CNGB3: variants seen among roughly 807,000 people sequenced by gnomAD.
CNGB3 encodes the protein cyclic nucleotide-gated channel beta-3.
CNGB3 carries 86 observed loss-of-function variants against 92.8 expected under a neutral mutation model. The observed-to-expected ratio is 0.93, with a 90% CI of 0.78 to 1.11. The LOEUF (loss-of-function observed/expected upper bound fraction) is 1.11. Ranked by LOEUF, CNGB3 falls within the 50% of genes least tolerant of loss-of-function variation. The pLI, the probability that CNGB3 is intolerant of heterozygous loss-of-function variation, is 0.00. For missense variants in CNGB3, 1,026 were observed against 956.8 expected, an observed-to-expected ratio of 1.07 and a Z score of -0.95; for synonymous variants, 333 against 332.7, an observed-to-expected ratio of 1.00 and a Z score of -0.01.
chr8:86,660,241 A>C lies in CNGB3; in HGVS notation c.853-6179T>G, dbSNP rs557938001. On this transcript the variant is annotated intron_variant, in intron 6 of 17. Transcript: ENST00000320005. ...TTGTTTGTATGCTGATATTCTCTCA[A>C]TGTTTTCTTGGCCACAGCCAATTTG... 2.2e-4 allele frequency: 68 copies of C among 306,736 alleles called. 1 individual carries two copies. Among genetic ancestry groups the C allele is most frequent in the Middle Eastern group, 2.4e-3 (2 of 824 alleles). 19.0% of individuals were successfully genotyped at this position (306,736 alleles called of 1,614,324 possible).
chr8:86,584,466 A>G (rs1322982414), intron 15 of CNGB3, among the ~76,000 whole-genome samples: 1 of 152,232 alleles, frequency 6.6e-6, no homozygotes. Flanking sequence ...AAACTTGCCT[A>G]CAGGTTACAC....
chr8:86,612,141 G>C (rs1232874860), intron 13 of CNGB3, among the ~76,000 whole-genome samples: 4 of 151,816 alleles, frequency 2.6e-5, no homozygotes, highest in Non-Finnish European at 1.5e-5. Flanking sequence ...AACCTTGCAG[G>C]CTGGTCTATC....
intron 15 of CNGB3, chr8:86,593,872 C>A: frequency 1.4e-6 from 1 of 706,262 alleles, no homozygotes; most frequent in South Asian, 1.5e-5. Flanking sequence ...GCAGCATAGC[C>A]AGGTCCTGCT....
chr8:86,582,099 G>A (rs952470205), intron 15 of CNGB3, among the ~76,000 whole-genome samples: 2 of 90,956 alleles, frequency 2.2e-5, no homozygotes, highest in African/African-American at 6.4e-5. Flanking sequence ...CACAGATATT[G>A]GAGTTATTAG....
intron 1 of CNGB3, among the ~76,000 whole-genome samples, chr8:86,743,061 G>T (rs1825369397): frequency 6.6e-6 from 1 of 152,054 alleles, no homozygotes; most frequent in Non-Finnish European, 1.5e-5. Flanking sequence ...CCCCAGATTT[G>T]CCAAATGTCC....
chr8:86,652,266 G>T (rs983115205), intron 7 of CNGB3, among the ~76,000 whole-genome samples: 1 of 151,992 alleles, frequency 6.6e-6, no homozygotes, highest in Non-Finnish European at 1.5e-5. Context: ...AATGGAGCTT[G>T]CAGGACTGGA....
At chr8:86,603,145 T>C (rs1822342111) in intron 15 of CNGB3, among the ~76,000 whole-genome samples, 1 of 152,362 alleles carries the variant, frequency 6.6e-6, no homozygotes, top group Non-Finnish European at 1.5e-5. Context: ...TTGTGTCCTG[T>C]TACTTTCTAA....
chr8:86,717,933 C>G (rs1824893242), intron 3 of CNGB3, among the ~76,000 whole-genome samples: 1 of 151,956 alleles, frequency 6.6e-6, no homozygotes, highest in Non-Finnish European at 1.5e-5. Flanking sequence ...ACAACGAAAT[C>G]AAGATGAAAA....
At position 86,666,937 on chromosome 8, in the gene CNGB3, T is replaced by TC. The variant is rs1281085210; in HGVS notation, c.839dup (p.Gly281ArgfsTer9). 2 of 1,612,366 alleles carry TC rather than the reference T, an allele frequency of 1.2e-6. No individual in the cohort carries two copies. Among genetic ancestry groups the TC allele is most frequent in the Admixed American group, 3.3e-5 (2 of 60,018 alleles). Reference sequence around the variant, plus strand: ...GAACCCCACTTACTATTATGTCTCCTCCTCTTACAAACTGGAGTCTGGGCT... The same window carrying TC: ...GAACCCCACTTACTATTATGTCTCCTCCCTCTTACAAACTGGAGTCTGGGCT... On this transcript the variant is annotated frameshift_variant, in exon 6 of 18. Transcript: ENST00000320005. LOFTEE classifies it high-confidence loss of function.
intron 3 of CNGB3, among the ~76,000 whole-genome samples, chr8:86,694,467 G>T (rs1263501114): frequency 6.6e-6 from 1 of 151,698 alleles, no homozygotes; most frequent in Non-Finnish European, 1.5e-5. Context: ...CCCAGACGGG[G>T]TGGCTGCCGG....
chr8:86,707,403 G>T (rs1300000736), intron 3 of CNGB3: 2 of 152,234 alleles, frequency 1.3e-5, no homozygotes, highest in Non-Finnish European at 2.9e-5. Flanking sequence ...CTACAGAGTG[G>T]TCAGAAAAGG....
At chr8:86,734,708 G>A (rs1360025966) in intron 2 of CNGB3, among the ~76,000 whole-genome samples, 1 of 152,152 alleles carries the variant, frequency 6.6e-6, no homozygotes, top group Admixed American at 6.5e-5. Flanking sequence ...GTCTTGACAA[G>A]GTGTAACACC....
chr8:86,606,547 C>T (rs899296472), intron 14 of CNGB3, among the ~76,000 whole-genome samples: 1 of 152,256 alleles, frequency 6.6e-6, no homozygotes, highest in East Asian at 1.9e-4. Flanking sequence ...ACTATTAATG[C>T]TAATAACAAT....
At chr8:86,607,728 A>G (rs916152032) in intron 14 of CNGB3, among the ~76,000 whole-genome samples, 1 of 152,202 alleles carries the variant, frequency 6.6e-6, no homozygotes, top group Admixed American at 6.5e-5. Context: ...CCACTCTTTC[A>G]ACCAGCCCAA....
intron 7 of CNGB3, among the ~76,000 whole-genome samples, chr8:86,652,731 G>A (rs1823430673): frequency 6.6e-6 from 1 of 151,994 alleles, no homozygotes; most frequent in Non-Finnish European, 1.5e-5. Flanking sequence ...CATAACATGG[G>A]TGGAGCTGTC....
At chr8:86,712,961 G>GA (rs948728200) in intron 3 of CNGB3, among the ~76,000 whole-genome samples, 1 of 150,846 alleles carries the variant, frequency 6.6e-6, no homozygotes, top group East Asian at 1.9e-4. Context: ...TTTAAAAAAA[G>GA]AAAAAAGAAA....
At chr8:86,687,921 G>A (rs536999307) in intron 3 of CNGB3, among the ~76,000 whole-genome samples, 60 of 152,030 alleles carry the variant, frequency 3.9e-4, no homozygotes, top group African/African-American at 1.4e-3. Context: ...GGTAAATCAC[G>A]TTACTTATTC....
chr8:86,650,067 C>T lies in CNGB3; in HGVS notation c.904-2180G>A, dbSNP rs111459124. Among the ~76,000 whole-genome samples, 1,068 of 151,362 alleles carry T rather than the reference C, an allele frequency of 7.1e-3. 11 individuals are homozygous for T. The highest frequency in any genetic ancestry group is 0.025 in the African/African-American group (1,029 of 41,462). ...AAATGCCCCCCCGCCCAAATTGCATCATATCATCAAACCTCGTTGATTTTA... is the reference window on the plus strand; with the variant it reads ...AAATGCCCCCCCGCCCAAATTGCATTATATCATCAAACCTCGTTGATTTTA... On this transcript the variant is annotated intron_variant, in intron 7 of 17. Transcript: ENST00000320005.
At chr8:86,719,505 G>A (rs1014673489) in intron 3 of CNGB3, among the ~76,000 whole-genome samples, 9 of 152,060 alleles carry the variant, frequency 5.9e-5, no homozygotes, top group Non-Finnish European at 8.8e-5. Context: ...ACAAAACACT[G>A]TTGAAAGAAA....
Sources: allele counts gnomAD v4.1 joint callset (sites outside exome capture counted in the v4.1 genomes callset), GRCh38; gene constraint gnomAD v4.1.1; transcripts MANE v1.5; gene names NCBI Gene and HGNC (gene_info 2026-07-23, HGNC 2026-07-21).